DOCK7: variants seen among roughly 807,000 people sequenced by gnomAD.
DOCK7 encodes the protein dedicator of cytokinesis 7.
In DOCK7, 138 loss-of-function variants were observed where a neutral mutation model predicts 271.0. That is an observed-to-expected ratio of 0.51 (90% CI 0.44 to 0.59). The LOEUF is 0.59. DOCK7 is among the 20% of genes least tolerant of loss of function. DOCK7 has a pLI of 0.00. For missense variants in DOCK7, 2,066 were observed against 2,592.4 expected (o/e 0.80, Z 4.41); for synonymous variants, 823 against 876.1 (o/e 0.94, Z 1.07).
At chr1:62,501,441 T>A (rs1325405446) in intron 37 of DOCK7, among the ~76,000 whole-genome samples, 1 of 152,142 alleles carries the variant, frequency 6.6e-6, no homozygotes, top group Non-Finnish European at 1.5e-5. Context: ...AGGTGGCAAT[T>A]AAATCAAGTG....
intron 14 of DOCK7, chr1:62,598,556 C>T: frequency 1.6e-6 from 1 of 630,200 alleles, no homozygotes; most frequent in South Asian, 1.9e-5. Context: ...TTGAAAGAAG[C>T]ATACAAGGGG....
intron 22 of DOCK7, among the ~76,000 whole-genome samples, chr1:62,545,576 G>C (rs1353399808): frequency 6.6e-6 from 1 of 151,824 alleles, no homozygotes; most frequent in African/African-American, 2.4e-5. Flanking sequence ...AAAAACTTAA[G>C]AAAAAAATGA....
intron 18 of DOCK7, among the ~76,000 whole-genome samples, chr1:62,570,471 T>C (rs887212144): frequency 3.3e-5 from 5 of 152,164 alleles, no homozygotes; most frequent in African/African-American, 1.2e-4. Flanking sequence ...AAAATGGCCA[T>C]ACTGCCCAAA....
At chr1:62,628,759 G>T (rs1341387051) in intron 11 of DOCK7, 1 of 152,138 alleles carries the variant, frequency 6.6e-6, no homozygotes, top group Non-Finnish European at 1.5e-5. Flanking sequence ...TGAACTCACA[G>T]ACTAGGAGAA....
At chr1:62,615,991 C>A (rs1652388696) in intron 14 of DOCK7, among the ~76,000 whole-genome samples, 1 of 151,728 alleles carries the variant, frequency 6.6e-6, no homozygotes, top group South Asian at 2.1e-4. Context: ...AGAAAGCATT[C>A]CACCCTAAAA....
At chr1:62,643,608 T>C (rs1166424915) in intron 7 of DOCK7, among the ~76,000 whole-genome samples, 2 of 152,226 alleles carry the variant, frequency 1.3e-5, no homozygotes, top group African/African-American at 2.4e-5. Flanking sequence ...AATTTCTTTT[T>C]ATTTATTCTT....
rs796507473 is a variant in DOCK7 at position 62,531,139 on chromosome 1, T to A, written c.3612-1693A>T. ...GTAGTTCCCACCTTCCCCAGATTCC[T>A]CATCATTATTCTCAAGGCTTAGATT... On this transcript the variant is annotated intron_variant, in intron 29 of 49. Coordinates refer to ENST00000635253, the MANE Select transcript of DOCK7 (RefSeq NM_001367561.1). Among the ~76,000 whole-genome samples the A allele has an allele frequency of 1.9e-4, 29 of 152,334 alleles. 2 individuals carry two copies. Among genetic ancestry groups the A allele is most frequent in the African/African-American group, 6.5e-4 (27 of 41,576 alleles).
At chr1:62,647,314 G>A (rs1032024248) in intron 7 of DOCK7, among the ~76,000 whole-genome samples, 4 of 152,108 alleles carry the variant, frequency 2.6e-5, no homozygotes, top group African/African-American at 4.8e-5. Flanking sequence ...AAAGCCTACT[G>A]TAAAATCAAC....
rs536305076 is a variant in DOCK7, at chr1:62,455,601, C to T, written c.6381-145G>A. ...ACTTCCAAGTTGGATGCTCATCCTACCTACTCTGCCTTATATTTTGGCTTA... is the reference window on the plus strand; with the variant it reads ...ACTTCCAAGTTGGATGCTCATCCTATCTACTCTGCCTTATATTTTGGCTTA... On this transcript the variant is annotated intron_variant, in intron 49 of 49. Coordinates refer to ENST00000635253, the MANE Select transcript of DOCK7 (RefSeq NM_001367561.1). The T allele has an allele frequency of 4.6e-5, 32 of 691,386 alleles. No homozygotes were observed. The South Asian group carries it at 5.5e-4, about 12-fold the overall frequency. 42.8% of individuals were successfully genotyped at this position (691,386 alleles called of 1,614,324 possible). A position where few individuals can be genotyped will look rare whatever the true frequency, so the allele number is the denominator to read the frequency against.
intron 39 of DOCK7, 149 bp from the exon 40 acceptor site, chr1:62,494,616 AGG>A: frequency 2.0e-6 from 1 of 502,832 alleles, no homozygotes; most frequent in Non-Finnish European, 3.2e-6. Context: ...GTCGCTATGC[AGG>A]CCTAGAGAAA....
At chr1:62,595,220 C>T (rs1023744203) in intron 14 of DOCK7, among the ~76,000 whole-genome samples, 2 of 152,036 alleles carry the variant, frequency 1.3e-5, no homozygotes, top group Admixed American at 6.6e-5. Flanking sequence ...TCTTAATATG[C>T]AATTAATTTT....
intron 41 of DOCK7, among the ~76,000 whole-genome samples, chr1:62,489,375 G>A (rs1646392069): frequency 6.6e-6 from 1 of 152,146 alleles, no homozygotes. Flanking sequence ...CGTGAACATG[G>A]GAGGCGGAGT....
At chr1:62,464,931 G>A (rs1205448465) in intron 48 of DOCK7, among the ~76,000 whole-genome samples, 1 of 152,084 alleles carries the variant, frequency 6.6e-6, no homozygotes, top group Non-Finnish European at 1.5e-5. Flanking sequence ...AGAAAAAGAT[G>A]TCATGAATGC....
chr1:62,578,848 C>T lies in DOCK7; in HGVS notation c.1990G>A (p.Glu664Lys). Residue 664 changes from glutamate (E) to lysine (K), a missense_variant, in exon 17 of 50, where the codon GAA (glutamate) becomes AAA (lysine). Physicochemically the swap from Glu to Lys is moderately conservative, Grantham distance 56. Transcript: ENST00000635253. ...CTCACTGTATATCCAACTGGTGTTT[C>T]AAGAGGAGTATTTTGTTTTTGTTGA... ...SCQQKQNTPL[E>K]TPVGYTWIPM... The T allele has an allele frequency of 6.3e-7, 1 of 1,597,278 alleles. No individual in the cohort carries two copies. Among genetic ancestry groups the T allele is most frequent in the Non-Finnish European group, 8.5e-7 (1 of 1,173,274 alleles).
chr1:62,682,359 G>C (rs17123765), intron 1 of DOCK7, among the ~76,000 whole-genome samples: 2 of 152,308 alleles, frequency 1.3e-5, no homozygotes, highest in African/African-American at 4.8e-5. Flanking sequence ...TGGTCACCTA[G>C]AAGTGAAATA....
chr1:62,516,530 G>C (rs2149345939), intron 31 of DOCK7, among the ~76,000 whole-genome samples: 1 of 152,256 alleles, frequency 6.6e-6, no homozygotes, highest in East Asian at 1.9e-4. Context: ...CTAGAAAACA[G>C]AAAGAATTGT....
chr1:62,562,605 T>C (rs1646364597), intron 18 of DOCK7, among the ~76,000 whole-genome samples: 1 of 152,134 alleles, frequency 6.6e-6, no homozygotes, highest in Non-Finnish European at 1.5e-5. Flanking sequence ...TCTCTATTCC[T>C]CCTGCTAAGT....
Position 62,604,346 on chromosome 1 carries a change from G to A in DOCK7, c.1682+14360C>T, listed in dbSNP as rs72651034. 11,170 of 1,358,104 alleles carry A rather than the reference G, an allele frequency of 8.2e-3. 55 individuals carry two copies. Among genetic ancestry groups the A allele is most frequent in the Non-Finnish European group, 9.3e-3 (9,128 of 978,322 alleles). 84.1% of individuals were successfully genotyped at this position (1,358,104 alleles called of 1,614,324 possible). On this transcript the variant is annotated intron_variant, in intron 14 of 49. Coordinates refer to ENST00000635253, the MANE Select transcript of DOCK7 (RefSeq NM_001367561.1). ...TTAAAAATCCGAATCCCAAATAAGC[G>A]TTTTCTCTCTAGACGAAAACCTCTT...
intron 14 of DOCK7, among the ~76,000 whole-genome samples, chr1:62,616,330 C>T (rs1268981395): frequency 6.6e-6 from 1 of 151,364 alleles, no homozygotes; most frequent in Non-Finnish European, 1.5e-5. Context: ...AGAAAAGATA[C>T]CCTAGAATCC....
Sources: allele counts gnomAD v4.1 joint callset (sites outside exome capture counted in the v4.1 genomes callset), GRCh38; gene constraint gnomAD v4.1.1; transcripts MANE v1.5; gene names NCBI Gene and HGNC (gene_info 2026-07-23, HGNC 2026-07-21).